Variants in TAFA2 observed in about 807,000 individuals in gnomAD.
The protein encoded by TAFA2 is chemokine-like protein TAFA-2.
In TAFA2, 7 loss-of-function variants were observed where a neutral mutation model predicts 18.8. The observed-to-expected ratio is 0.37, with a 90% CI of 0.21 to 0.70. The LOEUF (loss-of-function observed/expected upper bound fraction) is 0.70. Ranked by LOEUF, TAFA2 falls within the 30% of genes least tolerant of loss-of-function variation. TAFA2 has a pLI of 0.53. For synonymous variants in TAFA2, 60 were observed against 54.2 expected (o/e 1.11, Z -0.47); for missense variants, 122 against 158.1 (o/e 0.77, Z 1.23).
At chr12:62,063,550 T>A (rs1882407133) in intron 1 of TAFA2, among the ~76,000 whole-genome samples, 1 of 152,146 alleles carries the variant, frequency 6.6e-6, no homozygotes, top group South Asian at 2.1e-4. Context: ...AAAAGGCACC[T>A]TTGATAGAAA....
chr12:61,864,094 G>A (rs1874240668), intron 2 of TAFA2, among the ~76,000 whole-genome samples: 1 of 152,072 alleles, frequency 6.6e-6, no homozygotes. Flanking sequence ...AAGAATTCCT[G>A]ACTTGGCTCC....
At chr12:62,112,393 G>A (rs150912659) in intron 1 of TAFA2, among the ~76,000 whole-genome samples, 7,750 of 152,176 alleles carry the variant, frequency 0.051, 298 homozygotes, top group Non-Finnish European at 0.079. Flanking sequence ...TGGGTAACCC[G>A]ACCTTTCTCT....
upstream of TAFA2, among the ~76,000 whole-genome samples, chr12:62,196,992 G>A (rs2062651514): frequency 6.6e-6 from 1 of 152,240 alleles, no homozygotes; most frequent in Non-Finnish European, 1.5e-5. Context: ...TGAGCTGTGG[G>A]CAAATGAGCA....
At chr12:62,026,697 A>G (rs887382772) in intron 1 of TAFA2, among the ~76,000 whole-genome samples, 1 of 152,102 alleles carries the variant, frequency 6.6e-6, no homozygotes, top group Non-Finnish European at 1.5e-5. Flanking sequence ...TATTCTTTGT[A>G]TCTTCTATTT....
chr12:61,914,867 G>A (rs769379535), intron 1 of TAFA2, among the ~76,000 whole-genome samples: 10 of 152,246 alleles, frequency 6.6e-5, no homozygotes, highest in Non-Finnish European at 1.5e-4. Flanking sequence ...TGTAGTAGAA[G>A]AGAATGATGT....
intron 2 of TAFA2, among the ~76,000 whole-genome samples, chr12:61,758,672 T>A (rs1229547287): frequency 1.3e-5 from 2 of 151,762 alleles, no homozygotes; most frequent in African/African-American, 2.4e-5. Flanking sequence ...GAAAGAGTGG[T>A]AGGAATACCA....
rs555243789 is a variant in TAFA2 at position 61,979,195 on chromosome 12, T to C, written c.-1-111769A>G. Among the ~76,000 whole-genome samples the C allele has an allele frequency of 2.0e-5, 3 of 152,256 alleles. No homozygotes were observed. In the South Asian group the frequency reaches 6.2e-4, roughly 32 times the overall value. ...TCCCCCAAATACTACAGTTACTTTGTAATTGTGCAGTACATTGTCTAATTA... is the reference window on the plus strand; with the variant it reads ...TCCCCCAAATACTACAGTTACTTTGCAATTGTGCAGTACATTGTCTAATTA... On this transcript the variant is annotated intron_variant, in intron 1 of 4. Coordinates refer to ENST00000416284, the MANE Select transcript of TAFA2 (RefSeq NM_178539.5).
intron 4 of TAFA2, among the ~76,000 whole-genome samples, chr12:61,743,937 C>T (rs1447221664): frequency 6.6e-6 from 1 of 152,092 alleles, no homozygotes; most frequent in Non-Finnish European, 1.5e-5. Context: ...GCACCACTAA[C>T]TATGGCTTCT....
intron 1 of TAFA2, among the ~76,000 whole-genome samples, chr12:61,972,284 AATAAAT>A (rs534562944): frequency 2.4e-4 from 31 of 130,518 alleles, no homozygotes; most frequent in Non-Finnish European, 3.7e-4. Context: ...AAATACTTAA[AATAAAT>A]ATAAAGTTGA....
chr12:61,977,178 A>G (rs919182254), intron 1 of TAFA2, among the ~76,000 whole-genome samples: 7 of 151,944 alleles, frequency 4.6e-5, no homozygotes, highest in Non-Finnish European at 1.0e-4. Flanking sequence ...CATATACTTT[A>G]CTCCCAAATG....
chr12:61,857,384 T>C (rs1873927795), intron 2 of TAFA2, among the ~76,000 whole-genome samples: 1 of 152,182 alleles, frequency 6.6e-6, no homozygotes, highest in South Asian at 2.1e-4. Context: ...TAATTTTTTT[T>C]AAATTAGTAG....
At chr12:62,022,696 T>G (rs1214553494) in intron 1 of TAFA2, among the ~76,000 whole-genome samples, 1 of 152,224 alleles carries the variant, frequency 6.6e-6, no homozygotes, top group African/African-American at 2.4e-5. Flanking sequence ...TATTCTTGTC[T>G]GCTCTTAGGC....
chr12:61,732,955 T>A (rs1868249668), intron 4 of TAFA2, among the ~76,000 whole-genome samples: 1 of 152,026 alleles, frequency 6.6e-6, no homozygotes, highest in Admixed American at 6.6e-5. Context: ...CCCCATCTCT[T>A]ATACACTCAA....
chr12:62,156,654 G>A (rs561771003), intron 1 of TAFA2, among the ~76,000 whole-genome samples: 4 of 152,070 alleles, frequency 2.6e-5, no homozygotes, highest in Non-Finnish European at 5.9e-5. Context: ...CATTTGCAGC[G>A]ACCTGGATGA....
At chr12:62,025,228 C>T (rs925241716) in intron 1 of TAFA2, among the ~76,000 whole-genome samples, 4 of 151,880 alleles carry the variant, frequency 2.6e-5, no homozygotes, top group Admixed American at 1.3e-4. Flanking sequence ...ATAAAGATGG[C>T]AACAATAGAA....
intron 1 of TAFA2, among the ~76,000 whole-genome samples, chr12:62,230,070 T>C (rs1267698180): frequency 6.6e-6 from 1 of 152,146 alleles, no homozygotes; most frequent in African/African-American, 2.4e-5. Flanking sequence ...GCTATGTGGT[T>C]ATGTTCCCCT....
At chr12:61,762,398 C>T (rs1869593270) in intron 2 of TAFA2, among the ~76,000 whole-genome samples, 1 of 151,834 alleles carries the variant, frequency 6.6e-6, no homozygotes. Context: ...ATTCCTTTTC[C>T]AAAGAATTGG....
At chr12:62,257,172 G>GTATATATACACAATGTGTGTGTGTA (rs1565789911) in intron 1 of TAFA2, among the ~76,000 whole-genome samples, 2 of 3,542 alleles carry the variant, frequency 5.6e-4, no homozygotes, top group South Asian at 5.4e-3. Flanking sequence ...ATGTGTGTGT[G>GTATATATACACAATGTGTGTGTGTA]TGTGTGTGTG....
intron 2 of TAFA2, among the ~76,000 whole-genome samples, chr12:61,838,756 AG>A (rs1459379505): frequency 1.3e-5 from 2 of 152,092 alleles, no homozygotes; most frequent in African/African-American, 4.8e-5. Context: ...GTCTTGCAGA[AG>A]TAGAGTGGAG....
Sources: gnomAD v4.1 joint callset for allele counts (sites outside exome capture counted in the v4.1 genomes callset) on GRCh38, gnomAD v4.1.1 for gene constraint, MANE v1.5 for transcripts, NCBI Gene and HGNC (gene_info 2026-07-23, HGNC 2026-07-21) for gene names.